USP45: variants seen among roughly 807,000 people sequenced by gnomAD.
USP45 encodes the protein ubiquitin specific peptidase 45.
A neutral mutation model predicts 95.8 loss-of-function variants in USP45; 89 were observed. The observed-to-expected ratio is 0.93, with a 90% CI of 0.78 to 1.11. USP45 has a LOEUF of 1.11. Ranked by LOEUF, USP45 falls within the 50% of genes least tolerant of loss-of-function variation. USP45 has a pLI of 0.00. For synonymous variants in USP45, 281 were observed against 316.2 expected, an observed-to-expected ratio of 0.89 and a Z score of 1.18; for missense variants, 898 against 942.5, an observed-to-expected ratio of 0.95 and a Z score of 0.62.
intron 13 of USP45, chr6:99,462,239 CAGCACA>C (rs1786638354): frequency 1.0e-6 from 1 of 982,936 alleles, no homozygotes; most frequent in Non-Finnish European, 1.2e-6. Context: ...CCAATTTGTT[CAGCACA>C]AGCACAAGTT....
intron 13 of USP45, among the ~76,000 whole-genome samples, chr6:99,455,989 C>T (rs1040415310): frequency 1.7e-4 from 25 of 151,382 alleles, no homozygotes; most frequent in African/African-American, 3.6e-4. Context: ...AAAAATTAAC[C>T]GGGCTTGATG....
At chr6:99,460,747 A>G in intron 13 of USP45, 1 of 978,610 alleles carries the variant, frequency 1.0e-6, no homozygotes, top group Non-Finnish European at 1.2e-6. Context: ...AAATAAGAGG[A>G]CTATGATTTT....
At chr6:99,492,315 C>T (rs922918515) in intron 5 of USP45, among the ~76,000 whole-genome samples, 4 of 152,152 alleles carry the variant, frequency 2.6e-5, no homozygotes, top group African/African-American at 9.7e-5. Flanking sequence ...CAAATATGGA[C>T]AGCACTGCCA....
chr6:99,472,701 C>CAA (rs1789749784), intron 9 of USP45, among the ~76,000 whole-genome samples: 1 of 152,258 alleles, frequency 6.6e-6, no homozygotes, highest in East Asian at 1.9e-4. Context: ...TCCCACCGTG[C>CAA]CAACATGCAT....
At chr6:99,443,864 A>T (rs1781974267) in intron 14 of USP45, among the ~76,000 whole-genome samples, 1 of 152,218 alleles carries the variant, frequency 6.6e-6, no homozygotes, top group African/African-American at 2.4e-5. Flanking sequence ...CACACAGTTA[A>T]TAAGAACAAA....
In USP45 at chr6:99,466,404, G is replaced by T. The variant is rs74903307; in HGVS notation, c.1107+268C>A. 2.6e-5 allele frequency among the ~76,000 whole-genome samples: 4 copies of T among 152,290 alleles called. No individual in the cohort carries two copies. The East Asian group carries it at 7.7e-4, about 29-fold the overall frequency. On this transcript the variant is annotated intron_variant, in intron 11 of 17. Coordinates refer to ENST00000500704, the MANE Select transcript of USP45 (RefSeq NM_001346022.3). ...CTCTCACTTCAAACAGATAGCTAATGAATTTCAGTATATTAAGATAGGCTA... is the reference window on the plus strand; with the variant it reads ...CTCTCACTTCAAACAGATAGCTAATTAATTTCAGTATATTAAGATAGGCTA...
chr6:99,501,221 A>G (rs574623970), intron 5 of USP45, among the ~76,000 whole-genome samples: 16 of 145,698 alleles, frequency 1.1e-4, no homozygotes, highest in African/African-American at 3.6e-4. Flanking sequence ...CCTCTTCATG[A>G]TCTCCCCACC....
chr6:99,496,194 T>C (rs1174257950), intron 5 of USP45, among the ~76,000 whole-genome samples: 1 of 152,164 alleles, frequency 6.6e-6, no homozygotes, highest in Non-Finnish European at 1.5e-5. Context: ...ATGTTGTCTA[T>C]GCTCGTCCTG....
intron 13 of USP45, among the ~76,000 whole-genome samples, chr6:99,448,935 G>C (rs1030013294): frequency 1.3e-5 from 2 of 152,092 alleles, no homozygotes; most frequent in East Asian, 1.9e-4. Context: ...CTTCATAAGT[G>C]AACGAGAAAT....
At chr6:99,460,657 A>G in intron 13 of USP45, 1 of 360,686 alleles carries the variant, frequency 2.8e-6, no homozygotes, top group Non-Finnish European at 3.9e-6. Context: ...TAGATACCGT[A>G]ACTACACAGT....
intron 12 of USP45, 120 bp from the exon 13 acceptor site, chr6:99,464,867 A>G: frequency 2.5e-6 from 3 of 1,213,046 alleles, no homozygotes; most frequent in Non-Finnish European, 3.3e-6. Flanking sequence ...CAAAATAAAA[A>G]GTGTTTAAGA....
intron 4 of USP45, among the ~76,000 whole-genome samples, chr6:99,506,396 T>A (rs1196960511): frequency 6.6e-6 from 1 of 152,074 alleles, no homozygotes; most frequent in Non-Finnish European, 1.5e-5. Context: ...GCAACCTCCA[T>A]CTCCCAGGTT....
At chr6:99,467,453 C>A (rs1370432216) in intron 10 of USP45, among the ~76,000 whole-genome samples, 4 of 151,942 alleles carry the variant, frequency 2.6e-5, no homozygotes, top group African/African-American at 7.2e-5. Flanking sequence ...AACCTATTCA[C>A]CCCTCTTTCA....
chr6:99,475,364 T>C (rs1790560489), intron 9 of USP45, among the ~76,000 whole-genome samples: 1 of 149,202 alleles, frequency 6.7e-6, no homozygotes, highest in Admixed American at 6.8e-5. Flanking sequence ...TCACCCAGGC[T>C]GGAGTGCAGT....
chr6:99,461,691 T>C, intron 13 of USP45: 1 of 984,986 alleles, frequency 1.0e-6, no homozygotes. Flanking sequence ...CTCATATAAT[T>C]TGGCAAACAG....
rs764445412 is a variant in USP45 at position 99,435,836 on chromosome 6, C to T, written c.2325G>A (p.Ala775=). The change falls in exon 18 of 18, where the codon GCG becomes GCA. Residue 775 remains alanine (A), a synonymous_variant. Transcript: ENST00000500704. The stretch of plus-strand genomic sequence containing the variant: ...ACTGGCCTGCTGATTCATTATCAGC[C>T]GCTTTCAAACCTAGCAAAACAAAAA... ...TKKKNVPGLK[A]ADNESAGQWV... The T allele has an allele frequency of 1.2e-5, 19 of 1,607,516 alleles. 1 individual carries two copies. Among genetic ancestry groups the T allele is most frequent in the Admixed American group, 5.1e-5 (3 of 58,404 alleles).
intron 11 of USP45, among the ~76,000 whole-genome samples, chr6:99,466,385 C>A (rs971477078): frequency 1.3e-5 from 2 of 152,188 alleles, no homozygotes; most frequent in African/African-American, 4.8e-5. Context: ...TTTTCTCTCA[C>A]TTCAAACAGA....
intron 5 of USP45, among the ~76,000 whole-genome samples, chr6:99,499,254 C>A (rs1003077890): frequency 6.6e-6 from 1 of 152,094 alleles, no homozygotes; most frequent in African/African-American, 2.4e-5. Context: ...TAAAAATAAC[C>A]TTTTAAAATC....
intron 8 of USP45, among the ~76,000 whole-genome samples, chr6:99,479,414 C>T (rs1258173501): frequency 6.6e-6 from 1 of 151,764 alleles, no homozygotes; most frequent in Non-Finnish European, 1.5e-5. Context: ...GTTGTCCTGG[C>T]TAGTCTCAAA....
Sources: allele counts gnomAD v4.1 joint callset (sites outside exome capture counted in the v4.1 genomes callset), GRCh38; gene constraint gnomAD v4.1.1; transcripts MANE v1.5; gene names NCBI Gene and HGNC (gene_info 2026-07-23, HGNC 2026-07-21).